Variants in OSBPL10 observed in about 807,000 individuals in gnomAD.
OSBPL10 encodes oxysterol binding protein like 10.
Under a neutral mutation model 81.7 loss-of-function variants are expected in OSBPL10, and 49 were observed. The observed-to-expected ratio is 0.60, with a 90% CI of 0.48 to 0.76. OSBPL10 has a LOEUF of 0.76. OSBPL10 is among the 30% of genes least tolerant of loss of function. OSBPL10 has a pLI of 0.00. For synonymous variants in OSBPL10, 419 were observed against 383.6 expected (o/e 1.09, Z -1.08); for missense variants, 923 against 987.8 (o/e 0.93, Z 0.88).
At chr3:31,722,358 C>T (rs1696671766) in intron 6 of OSBPL10, among the ~76,000 whole-genome samples, 1 of 152,126 alleles carries the variant, frequency 6.6e-6, no homozygotes, top group Non-Finnish European at 1.5e-5. Context: ...TCAGGAGCAC[C>T]TGCCCCTCAT....
intron 6 of OSBPL10, among the ~76,000 whole-genome samples, chr3:31,724,237 G>A (rs1007306089): frequency 3.3e-5 from 5 of 152,130 alleles, no homozygotes; most frequent in African/African-American, 1.2e-4. Flanking sequence ...TTAATTCTTT[G>A]AGTACTGCTG....
intron 1 of OSBPL10, among the ~76,000 whole-genome samples, chr3:31,966,911 C>T (rs2125481379): frequency 6.6e-6 from 1 of 152,072 alleles, no homozygotes; most frequent in Non-Finnish European, 1.5e-5. Context: ...TACTAAAATG[C>T]CTAAAATTAA....
intron 4 of OSBPL10, among the ~76,000 whole-genome samples, chr3:31,753,131 C>A (rs577451260): frequency 6.6e-6 from 1 of 151,686 alleles, no homozygotes; most frequent in African/African-American, 2.4e-5. Flanking sequence ...TTAACGTAGG[C>A]ACTTTTTCAC....
intron 3 of OSBPL10, among the ~76,000 whole-genome samples, chr3:31,868,109 C>G (rs1327032667): frequency 2.0e-5 from 3 of 151,578 alleles, no homozygotes; most frequent in Non-Finnish European, 4.4e-5. Context: ...TCATGTGTCT[C>G]TCTGCATTTT....
intron 2 of OSBPL10, among the ~76,000 whole-genome samples, chr3:32,024,391 TTTG>T (rs1471994584): frequency 6.6e-6 from 1 of 152,152 alleles, no homozygotes; most frequent in Non-Finnish European, 1.5e-5. Flanking sequence ...TTTTCAATAT[TTTG>T]TTGTTTTCAG....
intron 1 of OSBPL10, among the ~76,000 whole-genome samples, chr3:31,891,097 T>C (rs1447524144): frequency 6.6e-6 from 1 of 152,148 alleles, no homozygotes; most frequent in Non-Finnish European, 1.5e-5. Flanking sequence ...AAACATCAAC[T>C]AAGTCTCTAA....
intron 3 of OSBPL10, among the ~76,000 whole-genome samples, chr3:31,839,101 A>G (rs1011754144): frequency 2.0e-5 from 3 of 152,204 alleles, no homozygotes; most frequent in African/African-American, 7.2e-5. Context: ...GTAAATAAAG[A>G]GCAATAAATC....
intron 2 of OSBPL10, among the ~76,000 whole-genome samples, chr3:32,003,312 T>C (rs148439949): frequency 2.7e-4 from 41 of 152,326 alleles, no homozygotes; most frequent in African/African-American, 9.6e-4. Flanking sequence ...CCTATGCATA[T>C]ACACATGAAA....
chr3:31,818,912 A>C (rs573042462), intron 4 of OSBPL10, among the ~76,000 whole-genome samples: 2 of 152,330 alleles, frequency 1.3e-5, no homozygotes, highest in Non-Finnish European at 2.9e-5. Flanking sequence ...TTTCTTTAAA[A>C]ATCACTAGTG....
intron 1 of OSBPL10, among the ~76,000 whole-genome samples, chr3:31,952,563 G>A (rs1326897891): frequency 2.0e-5 from 3 of 152,124 alleles, no homozygotes; most frequent in Non-Finnish European, 4.4e-5. Context: ...CACAGCATGG[G>A]GAGCAATGAG....
intron 4 of OSBPL10, among the ~76,000 whole-genome samples, chr3:31,757,587 G>A (rs1342502635): frequency 1.3e-5 from 2 of 152,198 alleles, no homozygotes; most frequent in Non-Finnish European, 2.9e-5. Flanking sequence ...TGCAGTACTA[G>A]TAAACTAAGA....
At position 31,819,408 on chromosome 3, in the gene OSBPL10, C is replaced by T. The variant is rs76696596; in HGVS notation, c.729+10632G>A. Among the ~76,000 whole-genome samples, 862 of 152,292 alleles carry T rather than the reference C, an allele frequency of 5.7e-3. 14 individuals are homozygous for T. Among genetic ancestry groups the T allele is most frequent in the African/African-American group, 0.02 (817 of 41,556 alleles). ...AGTTGTGATATTTCCACTTTACATA[C>T]GAGAGATGTAATGTGACTTGCCCAA... On this transcript the variant is annotated intron_variant, in intron 4 of 11. Coordinates refer to ENST00000396556, the MANE Select transcript of OSBPL10 (RefSeq NM_017784.5).
At chr3:31,705,524 G>A (rs149721470) in intron 6 of OSBPL10, among the ~76,000 whole-genome samples, 2 of 152,328 alleles carry the variant, frequency 1.3e-5, no homozygotes, top group Non-Finnish European at 2.9e-5. Context: ...GACAGGCACT[G>A]CAAGGAATGG....
At chr3:31,663,023 G>T in intron 11 of OSBPL10, 2 of 985,408 alleles carry the variant, frequency 2.0e-6, no homozygotes, top group Non-Finnish European at 2.4e-6. Flanking sequence ...CTGACTCTGG[G>T]GAGAACAGTG....
chr3:31,747,492 A>T (rs1444649594), intron 5 of OSBPL10, among the ~76,000 whole-genome samples: 1 of 150,446 alleles, frequency 6.6e-6, no homozygotes, highest in African/African-American at 2.4e-5. Flanking sequence ...TCAAATAAAA[A>T]AAAAAAAAAA....
At chr3:32,067,198 A>G (rs1699787020) in intron 1 of OSBPL10, among the ~76,000 whole-genome samples, 1 of 151,984 alleles carries the variant, frequency 6.6e-6, no homozygotes, top group African/African-American at 2.4e-5. Context: ...AAGATCTAAA[A>G]CCCATTTAGA....
At chr3:31,950,062 G>C (rs929330914) in intron 1 of OSBPL10, among the ~76,000 whole-genome samples, 1 of 152,190 alleles carries the variant, frequency 6.6e-6, no homozygotes, top group Non-Finnish European at 1.5e-5. Flanking sequence ...AAAAGGGCCT[G>C]TCAGGAGGGA....
chr3:31,664,932 C>T (rs1017121413), intron 10 of OSBPL10, among the ~76,000 whole-genome samples: 1 of 152,196 alleles, frequency 6.6e-6, no homozygotes. Context: ...TACCCCTCTT[C>T]AGCCCAGCTG....
chr3:31,954,688 G>A (rs918818155), intron 1 of OSBPL10, among the ~76,000 whole-genome samples: 1 of 152,018 alleles, frequency 6.6e-6, no homozygotes, highest in Non-Finnish European at 1.5e-5. Context: ...ACAGAGGTTG[G>A]GTAAAAATGC....
Sources: gnomAD v4.1 joint callset for allele counts (sites outside exome capture counted in the v4.1 genomes callset) on GRCh38, gnomAD v4.1.1 for gene constraint, MANE v1.5 for transcripts, NCBI Gene and HGNC (gene_info 2026-07-23, HGNC 2026-07-21) for gene names.